COL27A1: variants seen among roughly 807,000 people sequenced by gnomAD.
The protein encoded by COL27A1 is collagen type XXVII alpha 1 chain, also known as collagen alpha-1(XXVII) chain.
Under a neutral mutation model 251.3 loss-of-function variants are expected in COL27A1, and 106 were observed. The observed-to-expected ratio is 0.42, with a 90% confidence interval of 0.36 to 0.50. The LOEUF (loss-of-function observed/expected upper bound fraction) is 0.50, where lower values mean the gene tolerates loss of function less well. Among genes scored for constraint, COL27A1 ranks in the 20% least tolerant of loss-of-function variants. COL27A1 has a pLI of 0.00. For missense variants in COL27A1, 2,325 were observed against 2,522.8 expected, an observed-to-expected ratio of 0.92 and a Z score of 1.68; for synonymous variants, 1,000 against 986.3, an observed-to-expected ratio of 1.01 and a Z score of -0.26.
chr9:114,236,757 A>T (rs1487888988), intron 17 of COL27A1, among the ~76,000 whole-genome samples: 5 of 152,142 alleles, frequency 3.3e-5, no homozygotes, highest in Admixed American at 3.3e-4. Context: ...CCTGGTGAGG[A>T]CAGGGGCTGC....
chr9:114,248,408 A>G (rs929112210), intron 24 of COL27A1, among the ~76,000 whole-genome samples: 13 of 152,372 alleles, frequency 8.5e-5, no homozygotes, highest in Middle Eastern at 3.4e-3. Context: ...AACTTCCGGT[A>G]GCAGACAATG....
chr9:114,248,529 A>G (rs1217667748), intron 24 of COL27A1, among the ~76,000 whole-genome samples: 1 of 152,118 alleles, frequency 6.6e-6, no homozygotes, highest in Non-Finnish European at 1.5e-5. Flanking sequence ...GCCTCCTCCC[A>G]TGCCCGCCTT....
chr9:114,157,217 T>C (rs893991777), intron 1 of COL27A1, among the ~76,000 whole-genome samples: 3 of 152,266 alleles, frequency 2.0e-5, no homozygotes, highest in South Asian at 2.1e-4. Flanking sequence ...GAGCACCCCA[T>C]GGTGGGGCTC....
At chr9:114,231,237 G>C (rs1831926762) in intron 15 of COL27A1, 105 bp downstream of exon 15, 2 of 1,103,454 alleles carry the variant, frequency 1.8e-6, no homozygotes, top group Admixed American at 1.9e-5. Context: ...TGGGGGAAGG[G>C]AGGATGGCAG....
chr9:114,309,587 T>C, intron 60 of COL27A1, 109 bp downstream of exon 60: 1 of 782,062 alleles, frequency 1.3e-6, no homozygotes. Context: ...TTTAATAGTA[T>C]ACTATATTAA....
At chr9:114,265,730 G>A (rs1252102480) in intron 32 of COL27A1, among the ~76,000 whole-genome samples, 1 of 152,242 alleles carries the variant, frequency 6.6e-6, no homozygotes, top group Non-Finnish European at 1.5e-5. Context: ...CTGTTGTGAA[G>A]ATGAAATGCG....
At chr9:114,159,620 C>G (rs1795192910) in intron 1 of COL27A1, among the ~76,000 whole-genome samples, 1 of 152,200 alleles carries the variant, frequency 6.6e-6, no homozygotes, top group Non-Finnish European at 1.5e-5. Context: ...AAAGTACAGT[C>G]AACTTCTTTA....
intron 12 of COL27A1, among the ~76,000 whole-genome samples, chr9:114,216,658 C>T (rs1227139696): frequency 2.0e-5 from 3 of 152,100 alleles, no homozygotes; most frequent in Non-Finnish European, 4.4e-5. Flanking sequence ...GTGATTGTTC[C>T]AATCAGAGAT....
In COL27A1 at chr9:114,302,524, C is replaced by T. The variant is rs551566115; in HGVS notation, c.4872+416C>T. Among the ~76,000 whole-genome samples the T allele has an allele frequency of 2.6e-5, 4 of 152,110 alleles. No individual in the cohort carries two copies. In the South Asian group the frequency reaches 6.2e-4, roughly 24 times the overall value. On this transcript the variant is annotated intron_variant, in intron 56 of 60. Coordinates refer to ENST00000356083, the MANE Select transcript of COL27A1 (RefSeq NM_032888.4). ...AGCAGATCACCTGAGGTCAGGAGTTCGAGACCAACCTGACCAACATGGTGA... is the reference window on the plus strand; with the variant it reads ...AGCAGATCACCTGAGGTCAGGAGTTTGAGACCAACCTGACCAACATGGTGA...
intron 49 of COL27A1, among the ~76,000 whole-genome samples, chr9:114,298,945 C>G (rs1267127317): frequency 6.6e-6 from 1 of 152,068 alleles, no homozygotes; most frequent in Non-Finnish European, 1.5e-5. Flanking sequence ...AAAAGACAAT[C>G]CAAATTTAAA....
intron 28 of COL27A1, among the ~76,000 whole-genome samples, chr9:114,260,002 G>T (rs1034511039): frequency 6.7e-6 from 1 of 149,080 alleles, no homozygotes; most frequent in African/African-American, 2.5e-5. Flanking sequence ...GGGTGGGGGG[G>T]GGGTCTCTTC....
chr9:114,168,049 G>A lies in COL27A1; in HGVS notation c.494G>A (p.Gly165Asp). ...CACCACCTGGCCCTCGAGCTCCGAGGCCGCACAGTCACTCTGGTGACTGCC... is the reference window on the plus strand; with the variant it reads ...CACCACCTGGCCCTCGAGCTCCGAGACCGCACAGTCACTCTGGTGACTGCC... ...RWHHLALELR[G>D]RTVTLVTACG... Residue 165 changes from glycine to aspartate, a missense_variant, in exon 3 of 61, where the codon GGC becomes GAC. Around this residue, in one of 4 missense-constraint regions of COL27A1, gnomAD observed 1,183 missense variants for 1,144.1 expected, o/e 1.03. Transcript: ENST00000356083. 6.2e-7 allele frequency: 1 copy of A among 1,607,330 alleles called. No homozygotes were observed. The highest frequency in any genetic ancestry group is 8.5e-7 in the Non-Finnish European group (1 of 1,179,822).
chr9:114,276,675 G>A (rs1835529714), intron 37 of COL27A1, among the ~76,000 whole-genome samples: 1 of 152,198 alleles, frequency 6.6e-6, no homozygotes, highest in Admixed American at 6.6e-5. Flanking sequence ...AAGTCTGTTT[G>A]TTGATTGAGA....
At chr9:114,164,732 A>G (rs916091630) in intron 2 of COL27A1, among the ~76,000 whole-genome samples, 1 of 152,246 alleles carries the variant, frequency 6.6e-6, no homozygotes, top group Non-Finnish European at 1.5e-5. Context: ...AGTGAATAGT[A>G]TTTCATGATA....
chr9:114,290,363 C>T lies in COL27A1; in HGVS notation c.4368+32C>T. 2 of 1,527,150 alleles carry T rather than the reference C, an allele frequency of 1.3e-6. No homozygotes were observed. Among genetic ancestry groups the T allele is most frequent in the Non-Finnish European group, 1.8e-6 (2 of 1,123,000 alleles). 94.6% of individuals were successfully genotyped at this position (1,527,150 alleles called of 1,614,324 possible). A position where few individuals can be genotyped will look rare whatever the true frequency, so the allele number is the denominator to read the frequency against. Reference sequence around the variant, plus strand: ...GGGAATTGGCATTAACAGATGGTGGCTCCATTTGGGACCAGGTGTAGGGGA... The same window carrying T: ...GGGAATTGGCATTAACAGATGGTGGTTCCATTTGGGACCAGGTGTAGGGGA... On this transcript the variant is annotated intron_variant, in intron 47 of 60. Transcript: ENST00000356083. The surrounding 1 kb of genome is among the most constrained non-coding windows in gnomAD (Gnocchi z 4.6).
chr9:114,265,429 C>T lies in COL27A1; in HGVS notation c.3347C>T (p.Pro1116Leu), dbSNP rs7048607. The change falls in exon 32 of 61, where the codon CCG becomes CTG. Residue 1116 changes from proline (P) to leucine (L), a missense_variant. Physicochemically the swap from Pro to Leu is moderately conservative, Grantham distance 98. Around this residue, in one of 4 missense-constraint regions of COL27A1, gnomAD observed 662 missense variants for 795.3 expected, o/e 0.83. Transcript: ENST00000356083. ...TTTACCTTGTCTCTGCAGGGCATCC[C>T]GGGTCCCTCAGGCCCCCCAGGCACC... Reference protein sequence around the residue: ...HLGSRGFPGIPGPSGPPGTKG... With the variant: ...HLGSRGFPGILGPSGPPGTKG... 1.1e-5 allele frequency: 17 copies of T among 1,613,690 alleles called. No individual in the cohort carries two copies. The highest frequency in any genetic ancestry group is 6.7e-5 in the African/African-American group (5 of 74,912).
At chr9:114,307,592 C>T (rs553116884) in intron 58 of COL27A1, 77 bp from the exon 59 acceptor site, 2 of 1,002,850 alleles carry the variant, frequency 2.0e-6, no homozygotes, top group South Asian at 2.6e-5. Context: ...TCACAAGATG[C>T]AGGGTCCATC....
intron 41 of COL27A1, among the ~76,000 whole-genome samples, chr9:114,286,036 T>C (rs1827458201): frequency 6.6e-6 from 1 of 152,206 alleles, no homozygotes; most frequent in South Asian, 2.1e-4. Flanking sequence ...ATGCCTTTTC[T>C]CACTTAGAAG....
Position 114,289,256 on chromosome 9 carries a change from C to A in COL27A1, c.4167C>A (p.Pro1389=). Residue 1389 remains proline, a synonymous_variant, in exon 45 of 61, where the codon CCC becomes CCA. Transcript: ENST00000356083. ...GQQGQPGHPG[P]RGWPGPKGSK... ...TTGGTTTGCAGGGGCATCCGGGACC[C>A]CGGGGGTGGCCGGGACCCAAAGGAT... 1 of 1,594,426 alleles carries A rather than the reference C, an allele frequency of 6.3e-7. No individual in the cohort carries two copies. The highest frequency in any genetic ancestry group is 8.5e-7 in the Non-Finnish European group (1 of 1,171,990).
Sources: gnomAD v4.1 joint callset for allele counts (sites outside exome capture counted in the v4.1 genomes callset) on GRCh38, gnomAD v4.1.1 for gene constraint, gnomAD v4.1.1 regional missense constraint, Gnocchi (gnomAD v3.1) non-coding constraint, MANE v1.5 for transcripts, NCBI Gene and HGNC (gene_info 2026-07-23, HGNC 2026-07-21) for gene names.